The following IL33 variants were observed in gnomAD, a reference collection of about 807,000 sequenced individuals.
IL33 encodes interleukin-33.
A neutral mutation model predicts 27.3 loss-of-function variants in IL33; 37 were observed. The observed-to-expected ratio is 1.36, with a 90% confidence interval of 1.04 to 1.78. IL33 has a LOEUF of 1.78. Among genes scored for constraint, IL33 ranks in the 40% most tolerant of loss-of-function variants. The pLI, the probability that IL33 is intolerant of heterozygous loss-of-function variation, is 0.00. For missense variants in IL33, 406 were observed against 311.4 expected (o/e 1.30, Z -2.29); for synonymous variants, 132 against 102.9 (o/e 1.28, Z -1.71).
Position 6,252,993 on chromosome 9 carries a change from T to A in IL33, c.469+2T>A. 1 of 1,488,578 alleles carries A rather than the reference T, an allele frequency of 6.7e-7. No homozygotes were observed. The highest frequency in any genetic ancestry group is 1.2e-5 in the South Asian group (1 of 81,202). The allele number at this position is 1,488,578 out of a possible 1,614,324, so 92.2% of individuals were successfully genotyped here. ...ACTTGAAAAAAGATGAAAAGAAAGG[T>A]AGATTATTTTCTTTTTCTATAATAA... On this transcript the variant is annotated splice_donor_variant, in intron 5 of 7. Coordinates refer to ENST00000682010, the MANE Select transcript of IL33 (RefSeq NM_033439.4). LOFTEE classifies it high-confidence loss of function.
Position 6,252,790 on chromosome 9 carries a change from G to GT in IL33, c.344-70dup, listed in dbSNP as rs1403575265. ...AAAATGCAACTCAAATTGCAAAAAT[G>GT]TTTTTTGAGGGAGCATTTTTTAAAA... On this transcript the variant is annotated intron_variant, in intron 4 of 7. Coordinates refer to ENST00000682010, the MANE Select transcript of IL33 (RefSeq NM_033439.4). 5 of 1,567,390 alleles carry GT rather than the reference G, an allele frequency of 3.2e-6. 1 individual carries two copies. In the Middle Eastern group the frequency reaches 8.6e-4, roughly 269 times the overall value.
At chr9:6,228,006 C>CAAGGAAA (rs1371701148) in intron 1 of IL33, among the ~76,000 whole-genome samples, 2 of 152,086 alleles carry the variant, frequency 1.3e-5, no homozygotes, top group Non-Finnish European at 2.9e-5. Context: ...TTACTTGATC[C>CAAGGAAA]CTCTGTACCT....
chr9:6,256,544 C>T lies in IL33; in HGVS notation c.*376C>T, dbSNP rs1278686243. 2 of 358,870 alleles carry T rather than the reference C, an allele frequency of 5.6e-6. No homozygotes were observed. Among genetic ancestry groups the T allele is most frequent in the Non-Finnish European group, 1.0e-5 (2 of 199,804 alleles). The allele number at this position is 358,870 out of a possible 1,614,324, so 22.2% of individuals were successfully genotyped here. ...TTAAGTCTCTATGTAGACAGGGATC[C>T]ATTTTAAAGAGCTACTTAGAGAAAT... On this transcript the variant is annotated 3_prime_UTR_variant, in exon 8 of 8. Coordinates refer to ENST00000682010, the MANE Select transcript of IL33 (RefSeq NM_033439.4).
chr9:6,255,283 A>G (rs776082211), intron 7 of IL33, among the ~76,000 whole-genome samples: 9 of 152,140 alleles, frequency 5.9e-5, no homozygotes, highest in Non-Finnish European at 1.2e-4. Flanking sequence ...TAACTAACAC[A>G]GCCATGTAAG....
At position 6,256,329 on chromosome 9, in the gene IL33, C is replaced by T; in HGVS notation, c.*161C>T. ...ATGTATAAAAATATTTTTTCTAATC[C>T]TCCAGTTATTCTTTTATTTCCCTCT... On this transcript the variant is annotated 3_prime_UTR_variant, in exon 8 of 8. Coordinates refer to ENST00000682010, the MANE Select transcript of IL33 (RefSeq NM_033439.4). 2 of 593,568 alleles carry T rather than the reference C, an allele frequency of 3.4e-6. No homozygotes were observed. The highest frequency in any genetic ancestry group is 5.9e-6 in the Non-Finnish European group (2 of 338,954). 36.8% of individuals were successfully genotyped at this position (593,568 alleles called of 1,614,324 possible). A position where few individuals can be genotyped will look rare whatever the true frequency, so the allele number is the denominator to read the frequency against.
intron 1 of IL33, among the ~76,000 whole-genome samples, chr9:6,230,915 C>A (rs576233960): frequency 6.6e-6 from 1 of 152,266 alleles, no homozygotes; most frequent in Non-Finnish European, 1.5e-5. Flanking sequence ...ACCTATGTGA[C>A]GTTTTGCAAG....
intron 2 of IL33, 86 bp from the exon 3 acceptor site, chr9:6,250,388 G>C: frequency 1.4e-6 from 2 of 1,441,606 alleles, no homozygotes; most frequent in Non-Finnish European, 1.9e-6. Context: ...ACCTGTACTT[G>C]CTTTCTTGGT....
intron 3 of IL33, 93 bp from the exon 4 acceptor site, chr9:6,251,047 C>T (rs1329763188): frequency 4.0e-6 from 6 of 1,513,470 alleles, no homozygotes; most frequent in Non-Finnish European, 5.3e-6. Context: ...TCAATCACTA[C>T]TCTCAGCAAG....
In IL33 at chr9:6,251,284, G is replaced by T. The variant is rs372067180; in HGVS notation, c.343+19G>T. On this transcript the variant is annotated intron_variant, in intron 4 of 7. Transcript: ENST00000682010. The stretch of plus-strand genomic sequence containing the variant: ...ATCACAGGTATGACTGGTTACAGGG[G>T]TGATGTGGGAGTGAGGAGGGAGGTA... 75 of 1,611,722 alleles carry T rather than the reference G, an allele frequency of 4.7e-5. No individual in the cohort carries two copies. The highest frequency in any genetic ancestry group is 6.2e-5 in the Non-Finnish European group (73 of 1,178,564).
chr9:6,229,393 G>C (rs1005083856), intron 1 of IL33, among the ~76,000 whole-genome samples: 1 of 152,208 alleles, frequency 6.6e-6, no homozygotes, highest in Non-Finnish European at 1.5e-5. Flanking sequence ...TGAATAATTT[G>C]AAATGTTCAG....
At chr9:6,247,846 A>G (rs550816882) in intron 2 of IL33, among the ~76,000 whole-genome samples, 185 of 151,954 alleles carry the variant, frequency 1.2e-3, no homozygotes, top group African/African-American at 4.3e-3. Context: ...AAATGTAGTA[A>G]CCCCCATCCT....
At chr9:6,234,407 T>A (rs1819079273) in intron 1 of IL33, among the ~76,000 whole-genome samples, 1 of 152,170 alleles carries the variant, frequency 6.6e-6, no homozygotes, top group Admixed American at 6.6e-5. Context: ...TGGAATTATG[T>A]CCACTTCCCT....
chr9:6,218,749 CATAT>C (rs1180214190), intron 1 of IL33, among the ~76,000 whole-genome samples: 1 of 96,018 alleles, frequency 1.0e-5, no homozygotes, highest in East Asian at 2.6e-4. Flanking sequence ...ATATGTTCTC[CATAT>C]ATATATATGT....
At chr9:6,251,437 G>A (rs1220433977) in intron 4 of IL33, among the ~76,000 whole-genome samples, 172 bp downstream of exon 4, 2 of 152,086 alleles carry the variant, frequency 1.3e-5, no homozygotes, top group African/African-American at 4.8e-5. Context: ...TAGGTGCAAG[G>A]TAGCTGTTCT....
chr9:6,242,640 C>T (rs1819594055), intron 2 of IL33: 2 of 152,164 alleles, frequency 1.3e-5, no homozygotes, highest in South Asian at 4.1e-4. Flanking sequence ...AATACCACTA[C>T]TAAAAACATA....
chr9:6,242,421 A>G (rs1002893762), intron 2 of IL33: 3 of 152,236 alleles, frequency 2.0e-5, no homozygotes, highest in Non-Finnish European at 4.4e-5. Flanking sequence ...CAAAAATAGA[A>G]TACAAAAACT....
chr9:6,246,015 A>G, intron 2 of IL33, among the ~76,000 whole-genome samples: 1 of 133,802 alleles, frequency 7.5e-6, no homozygotes, highest in Non-Finnish European at 1.5e-5. Flanking sequence ...GTGAGCCGAG[A>G]TCACGCCACT....
chr9:6,242,352 C>T (rs978588276), intron 2 of IL33: 3 of 152,140 alleles, frequency 2.0e-5, no homozygotes, highest in Non-Finnish European at 2.9e-5. Flanking sequence ...TTGCTGCCAG[C>T]GCTTATTTAA....
chr9:6,245,792 G>A (rs1390346133), intron 2 of IL33, among the ~76,000 whole-genome samples: 1 of 152,158 alleles, frequency 6.6e-6, no homozygotes, highest in African/African-American at 2.4e-5. Context: ...GCCAGGTGTT[G>A]TGGCTCAAGC....
Sources: gnomAD v4.1 joint callset for allele counts (sites outside exome capture counted in the v4.1 genomes callset) on GRCh38, gnomAD v4.1.1 for gene constraint, MANE v1.5 for transcripts, NCBI Gene and HGNC (gene_info 2026-07-23, HGNC 2026-07-21) for gene names.